The following FRMD3 variants were observed in gnomAD, a reference collection of about 807,000 sequenced individuals.
FRMD3 encodes FERM domain containing 3.
A neutral mutation model predicts 70.2 loss-of-function variants in FRMD3; 33 were observed. The observed-to-expected ratio is 0.47, with a 90% CI of 0.36 to 0.63. FRMD3 has a LOEUF of 0.63. Among genes scored for constraint, FRMD3 ranks in the 20% least tolerant of loss-of-function variants. FRMD3 has a pLI of 0.00. For synonymous variants in FRMD3, 279 were observed against 255.9 expected (o/e 1.09, Z -0.86); for missense variants, 632 against 711.4 (o/e 0.89, Z 1.27).
chr9:83,387,319 T>A (rs1825539601), intron 2 of FRMD3, among the ~76,000 whole-genome samples: 1 of 152,214 alleles, frequency 6.6e-6, no homozygotes, highest in Non-Finnish European at 1.5e-5. Flanking sequence ...TCATGGATAT[T>A]TATTTCATTC....
At chr9:83,323,038 G>A (rs1835860738) in intron 6 of FRMD3, among the ~76,000 whole-genome samples, 1 of 152,176 alleles carries the variant, frequency 6.6e-6, no homozygotes, top group Admixed American at 6.5e-5. Flanking sequence ...ACAAAAGCAA[G>A]CACTGGTGAG....
At chr9:83,543,957 T>G in the FRMD3 span, among the ~76,000 whole-genome samples, 1 of 152,176 alleles carries the variant, frequency 6.6e-6, no homozygotes, top group Non-Finnish European at 1.5e-5. Flanking sequence ...TAAGCATACC[T>G]GTAGACAGCC....
chr9:83,538,243 G>T lies in FRMD3; in HGVS notation c.-12C>A. 1.3e-6 allele frequency: 2 copies of T among 1,553,966 alleles called. No homozygotes were observed. The highest frequency in any genetic ancestry group is 1.7e-6 in the Non-Finnish European group (2 of 1,148,626). On this transcript the variant is annotated 5_prime_UTR_variant, in exon 1 of 14. Coordinates refer to ENST00000304195, the MANE Select transcript of FRMD3 (RefSeq NM_174938.6). The surrounding 1 kb of genome is among the most constrained non-coding windows in gnomAD (Gnocchi z 4.7). ...CAGGAGGCGAACATGCACCGCGGCC[G>T]TGGGGAGCGAGCGGGAGGCTCAGGG...
At chr9:83,399,287 T>C (rs1165169496) in intron 1 of FRMD3, among the ~76,000 whole-genome samples, 1 of 152,180 alleles carries the variant, frequency 6.6e-6, no homozygotes, top group East Asian at 1.9e-4. Flanking sequence ...CTCTTCTGGG[T>C]GTTTTCTGCC....
intron 1 of FRMD3, among the ~76,000 whole-genome samples, chr9:83,425,407 G>A (rs1371000590): frequency 6.6e-6 from 1 of 152,078 alleles, no homozygotes; most frequent in African/African-American, 2.4e-5. Context: ...GGGGAGAGGT[G>A]GGGGCCATCA....
At chr9:83,332,532 G>A (rs1823420618) in intron 6 of FRMD3, among the ~76,000 whole-genome samples, 1 of 152,048 alleles carries the variant, frequency 6.6e-6, no homozygotes. Flanking sequence ...TGCCAAGAAT[G>A]GTGACTTTTT....
chr9:83,440,066 G>C (rs1827251775), intron 1 of FRMD3, among the ~76,000 whole-genome samples: 1 of 152,128 alleles, frequency 6.6e-6, no homozygotes, highest in South Asian at 2.1e-4. Flanking sequence ...AGAAGTCTTG[G>C]GCATCAGTAA....
chr9:83,369,618 AAAT>A (rs1824905723), intron 3 of FRMD3, among the ~76,000 whole-genome samples: 1 of 141,936 alleles, frequency 7.0e-6, no homozygotes, highest in South Asian at 2.3e-4. Context: ...ATAAATAAAT[AAAT>A]AAAATACACA....
chr9:83,273,609 TAA>T (rs899879607), intron 13 of FRMD3, among the ~76,000 whole-genome samples: 7 of 71,308 alleles, frequency 9.8e-5, no homozygotes, highest in East Asian at 4.1e-4. Context: ...CAATAAATAC[TAA>T]AAAAAAAAAA....
In FRMD3 at chr9:83,346,158, A is replaced by C. The variant is rs12115786; in HGVS notation, c.375-2871T>G. Among the ~76,000 whole-genome samples the C allele has an allele frequency of 3.9e-3, 582 of 149,346 alleles. 2 individuals are homozygous for C. The highest frequency in any genetic ancestry group is 0.014 in the African/African-American group (568 of 40,772). ...GTAATCCTAGCTACTTGGGAGGTTG[A>C]GGCAGGAAAATTGCTTGAACCCAGG... On this transcript the variant is annotated intron_variant, in intron 4 of 13. Transcript: ENST00000304195.
At chr9:83,310,812 G>A (rs572865246) in intron 8 of FRMD3, among the ~76,000 whole-genome samples, 1 of 152,294 alleles carries the variant, frequency 6.6e-6, no homozygotes, top group Admixed American at 6.5e-5. Context: ...AGAAGCTCTA[G>A]TGTTCGTGAA....
chr9:83,582,081 T>A, the FRMD3 span, among the ~76,000 whole-genome samples: 2 of 152,192 alleles, frequency 1.3e-5, no homozygotes, highest in Non-Finnish European at 2.9e-5. Context: ...AATCTCTTTT[T>A]TTTTCTTTAG....
rs546641522 is a variant in FRMD3 at position 83,432,365 on chromosome 9, C to T, written c.148-42657G>A. 3.9e-5 allele frequency among the ~76,000 whole-genome samples: 6 copies of T among 152,300 alleles called. No individual in the cohort carries two copies. In the East Asian group the frequency reaches 9.7e-4, roughly 25 times the overall value. On this transcript the variant is annotated intron_variant, in intron 1 of 13. Coordinates refer to ENST00000304195, the MANE Select transcript of FRMD3 (RefSeq NM_174938.6). ...TGCCCCAAGGAATCCAGGAAAATAC[C>T]GAGAGCACTGCCAGATGGCAAGCAG...
intron 1 of FRMD3, among the ~76,000 whole-genome samples, chr9:83,416,825 G>T (rs1826471953): frequency 7.4e-6 from 1 of 134,608 alleles, no homozygotes; most frequent in South Asian, 2.4e-4. Context: ...CTCTCTGAAA[G>T]CTGGCTGGCC....
At chr9:83,249,477 T>C (rs907923603) in intron 13 of FRMD3, among the ~76,000 whole-genome samples, 1 of 152,186 alleles carries the variant, frequency 6.6e-6, no homozygotes, top group African/African-American at 2.4e-5. Flanking sequence ...ACAATCAAAA[T>C]GGCAGCCAGG....
In FRMD3 at chr9:83,246,249, T is replaced by A. The variant is rs1007043740; in HGVS notation, c.*1669A>T. The A allele has an allele frequency of 1.0e-4, 102 of 984,870 alleles. 1 individual carries two copies. Among genetic ancestry groups the A allele is most frequent in the Non-Finnish European group, 2.4e-5 (20 of 829,636 alleles). The allele number at this position is 984,870 out of a possible 1,614,324, so 61.0% of individuals were successfully genotyped here. A position where few individuals can be genotyped will look rare whatever the true frequency, so the allele number is the denominator to read the frequency against. On this transcript the variant is annotated 3_prime_UTR_variant, in exon 14 of 14. Coordinates refer to ENST00000304195, the MANE Select transcript of FRMD3 (RefSeq NM_174938.6). ...CATTAGGGCAGTGGAATGTTTTCAA[T>A]CCACAGAGAAGCTCTATGCTCCATG...
intron 13 of FRMD3, among the ~76,000 whole-genome samples, chr9:83,264,108 T>C (rs1036374279): frequency 1.3e-5 from 2 of 152,142 alleles, no homozygotes; most frequent in East Asian, 1.9e-4. Flanking sequence ...AATAAATCAG[T>C]GAGCACATCC....
At chr9:83,400,663 T>A (rs1364516959) in intron 1 of FRMD3, among the ~76,000 whole-genome samples, 1 of 152,136 alleles carries the variant, frequency 6.6e-6, no homozygotes, top group Non-Finnish European at 1.5e-5. Flanking sequence ...GAAGGCAATG[T>A]GGTATTAGCA....
At chr9:83,343,165 G>A (rs372153831) in intron 5 of FRMD3, 25 bp downstream of exon 5, 41 of 1,509,430 alleles carry the variant, frequency 2.7e-5, no homozygotes, top group South Asian at 1.7e-4. Context: ...CAAAGGTGGC[G>A]TGGGTGAGCT....
Sources: allele counts gnomAD v4.1 joint callset (sites outside exome capture counted in the v4.1 genomes callset), GRCh38; gene constraint gnomAD v4.1.1; non-coding constraint Gnocchi (gnomAD v3.1); transcripts MANE v1.5; gene names NCBI Gene and HGNC (gene_info 2026-07-23, HGNC 2026-07-21).